Variants in NOX3 observed in about 807,000 individuals in gnomAD.
The protein encoded by NOX3 is NADPH oxidase catalytic subunit-like 3.
NOX3 carries 74 observed loss-of-function variants against 76.7 expected under a neutral mutation model. That is an observed-to-expected ratio of 0.96 (90% CI 0.80 to 1.17). The LOEUF is 1.17. NOX3 is among the 50% of genes most tolerant of loss of function. NOX3 has a pLI of 0.00. For synonymous variants in NOX3, 263 were observed against 261.1 expected, an observed-to-expected ratio of 1.01 and a Z score of -0.07; for missense variants, 695 against 703.3, an observed-to-expected ratio of 0.99 and a Z score of 0.13.
intron 10 of NOX3, 120 bp downstream of exon 10, chr6:155,422,574 G>A (rs1157110165): frequency 3.4e-6 from 3 of 889,990 alleles, no homozygotes; most frequent in Non-Finnish European, 5.2e-6. Flanking sequence ...GTATAGTTAA[G>A]GATCCTTGAG....
intron 4 of NOX3, among the ~76,000 whole-genome samples, chr6:155,452,844 G>A (rs141629868): frequency 6.6e-6 from 1 of 152,018 alleles, no homozygotes; most frequent in Non-Finnish European, 1.5e-5. Context: ...CTTGGCCTTG[G>A]GTGCTAATTT....
intron 10 of NOX3, among the ~76,000 whole-genome samples, chr6:155,420,285 C>G (rs1333338249): frequency 2.0e-5 from 3 of 152,174 alleles, no homozygotes; most frequent in Non-Finnish European, 4.4e-5. Flanking sequence ...ATGAGACACG[C>G]TATCCACCAC....
Position 155,432,236 on chromosome 6 carries a change from T to C in NOX3, c.799-1301A>G, listed in dbSNP as rs1776843990. Among the ~76,000 whole-genome samples, 5 of 152,228 alleles carry C rather than the reference T, an allele frequency of 3.3e-5. No homozygotes were observed. The South Asian group carries it at 1.0e-3, about 32-fold the overall frequency. ...AACATTCAATATCCTCTAATTCTTT[T>C]AGAATTAAAAGAAGGAAAATCCTGA... is the stretch of plus-strand genomic sequence containing the variant. On this transcript the variant is annotated intron_variant, in intron 7 of 13. Transcript: ENST00000159060.
At chr6:155,405,283 A>G (rs1776432401) in intron 12 of NOX3, among the ~76,000 whole-genome samples, 1 of 152,158 alleles carries the variant, frequency 6.6e-6, no homozygotes, top group Non-Finnish European at 1.5e-5. Flanking sequence ...AGTGGATGGA[A>G]AGAAGGTCAG....
intron 11 of NOX3, among the ~76,000 whole-genome samples, chr6:155,410,246 T>G (rs1424171774): frequency 6.6e-6 from 1 of 152,136 alleles, no homozygotes; most frequent in African/African-American, 2.4e-5. Context: ...TAGCAGAGTC[T>G]TATTCATTTG....
At chr6:155,442,430 G>A (rs1019917936) in intron 5 of NOX3, among the ~76,000 whole-genome samples, 5 of 152,180 alleles carry the variant, frequency 3.3e-5, no homozygotes, top group Non-Finnish European at 5.9e-5. Context: ...AAGGCTGCAT[G>A]GGGAAATGGT....
intron 5 of NOX3, among the ~76,000 whole-genome samples, chr6:155,442,033 G>A (rs2114704110): frequency 6.6e-6 from 1 of 152,298 alleles, no homozygotes; most frequent in Admixed American, 6.5e-5. Flanking sequence ...GGGAGGCCGA[G>A]GTGGGCGGAT....
Position 155,396,939 on chromosome 6 carries a change from CAGA to C in NOX3, c.1601_1603del (p.Phe534del). 3 of 1,612,878 alleles carry C rather than the reference CAGA, an allele frequency of 1.9e-6. No individual in the cohort carries two copies. Among genetic ancestry groups the C allele is most frequent in the Non-Finnish European group, 2.5e-6 (3 of 1,179,246 alleles). Reference sequence around the variant, plus strand: ...TGTCCTCGAGAGAGCTTTAGGTCCACAGAAGAACACGCCAATACTGCTGCTGCA... The same window carrying C: ...TGTCCTCGAGAGAGCTTTAGGTCCACAGAACACGCCAATACTGCTGCTGCA... On this transcript the variant is annotated inframe_deletion, in exon 13 of 14. Coordinates refer to ENST00000159060, the MANE Select transcript of NOX3 (RefSeq NM_015718.3).
chr6:155,423,868 G>T (rs1199784393), intron 9 of NOX3, among the ~76,000 whole-genome samples: 1 of 151,586 alleles, frequency 6.6e-6, no homozygotes, highest in Non-Finnish European at 1.5e-5. Context: ...AGCCTCCCAA[G>T]TAGCTGGGAC....
At chr6:155,425,440 C>T (rs1416974130) in intron 9 of NOX3, among the ~76,000 whole-genome samples, 2 of 152,134 alleles carry the variant, frequency 1.3e-5, no homozygotes, top group Non-Finnish European at 2.9e-5. Context: ...CCTGTGAGTC[C>T]TTGCTGGGTA....
chr6:155,414,604 T>C (rs938450869), intron 10 of NOX3, among the ~76,000 whole-genome samples: 1 of 151,496 alleles, frequency 6.6e-6, no homozygotes, highest in Non-Finnish European at 1.5e-5. Flanking sequence ...CCAACACTTT[T>C]TTTTCTTTTC....
Position 155,455,067 on chromosome 6 carries a change from C to T in NOX3, c.111G>A (p.Glu37=), listed in dbSNP as rs148902209. ...TAACTCGTGTGTAATGGAAAGACTC[C>T]TCCTCTTCATACCAGTAGAACGTGT... ...FIDTFYWYEE[E]ESFHYTRVIL... is the part of the protein sequence containing the mutation. The change falls in exon 2 of 14, where the codon GAG becomes GAA. Residue 37 remains glutamate, a synonymous_variant. Coordinates refer to ENST00000159060, the MANE Select transcript of NOX3 (RefSeq NM_015718.3). 7.0e-5 allele frequency: 113 copies of T among 1,613,066 alleles called. No homozygotes were observed. Among genetic ancestry groups the T allele is most frequent in the Non-Finnish European group, 4.1e-5 (48 of 1,179,336 alleles).
intron 4 of NOX3, among the ~76,000 whole-genome samples, chr6:155,445,969 A>AT (rs1380551108): frequency 7.2e-5 from 7 of 96,682 alleles, no homozygotes; most frequent in African/African-American, 2.9e-4. Flanking sequence ...ATATATATAT[A>AT]ATATATATAT....
At chr6:155,413,952 C>T (rs544986467) in intron 10 of NOX3, among the ~76,000 whole-genome samples, 13 of 152,310 alleles carry the variant, frequency 8.5e-5, no homozygotes, top group Admixed American at 4.6e-4. Flanking sequence ...TAGCTTCCTC[C>T]GTACATGAAA....
rs775205076 is a variant in NOX3 at position 155,411,277 on chromosome 6, AC to A, written c.1391del (p.Ser464MetfsTer9). ...DLLLSLETRM[S>X]EQGKTHFLSY... ...TCAGAAAGTGAGTTTTCCCCTGCTC[AC>A]TCATCCGTGTTTCCAGGGAGAGTAA... On this transcript the variant is annotated frameshift_variant, in exon 11 of 14. Coordinates refer to ENST00000159060, the MANE Select transcript of NOX3 (RefSeq NM_015718.3). LOFTEE classifies it high-confidence loss of function. 6 of 1,613,840 alleles carry A rather than the reference AC, an allele frequency of 3.7e-6. No homozygotes were observed. The highest frequency in any genetic ancestry group is 5.1e-6 in the Non-Finnish European group (6 of 1,179,926).
chr6:155,431,014 A>T (rs1582939866), intron 7 of NOX3, 79 bp from the exon 8 acceptor site: 2 of 863,536 alleles, frequency 2.3e-6, no homozygotes, highest in East Asian at 5.0e-5. Context: ...CCAAATCAAT[A>T]TACAACATGA....
chr6:155,439,666 T>G (rs925970854), intron 6 of NOX3, among the ~76,000 whole-genome samples: 21 of 152,318 alleles, frequency 1.4e-4, no homozygotes, highest in African/African-American at 4.6e-4. Flanking sequence ...AGGTACTGAA[T>G]GAAACATAGA....
chr6:155,452,462 T>G (rs778878887), intron 4 of NOX3, among the ~76,000 whole-genome samples: 3 of 152,158 alleles, frequency 2.0e-5, no homozygotes, highest in Non-Finnish European at 4.4e-5. Flanking sequence ...ACAAAGACCT[T>G]TTACAAAGCA....
Position 155,422,972 on chromosome 6 carries a change from T to A in NOX3, c.1146-116A>T, listed in dbSNP as rs115738056. On this transcript the variant is annotated intron_variant, in intron 9 of 13. Coordinates refer to ENST00000159060, the MANE Select transcript of NOX3 (RefSeq NM_015718.3). ...CGTGTTTGCCAGTGCATGCAGAGGT[T>A]GACTCTGTGCCTGAAAATGCCCTAT... 370 of 1,021,458 alleles carry A rather than the reference T, an allele frequency of 3.6e-4. 2 individuals are homozygous for A. The African/African-American group carries it at 5.6e-3, about 15-fold the overall frequency. The allele number at this position is 1,021,458 out of a possible 1,614,324, so 63.3% of individuals were successfully genotyped here.
Sources: allele counts gnomAD v4.1 joint callset (sites outside exome capture counted in the v4.1 genomes callset), GRCh38; gene constraint gnomAD v4.1.1; transcripts MANE v1.5; gene names NCBI Gene and HGNC (gene_info 2026-07-23, HGNC 2026-07-21).